The following CASZ1 variants were observed in gnomAD, a reference collection of about 807,000 sequenced individuals.
The protein encoded by CASZ1 is zinc finger protein castor homolog 1.
A neutral mutation model predicts 135.2 loss-of-function variants in CASZ1; 28 were observed. The observed-to-expected ratio is 0.21, with a 90% CI of 0.15 to 0.28. The LOEUF (loss-of-function observed/expected upper bound fraction) is 0.28. Ranked by LOEUF, CASZ1 falls within the 10% of genes least tolerant of loss-of-function variation. The pLI is 1.00. For synonymous variants in CASZ1, 1,068 were observed against 1,073.4 expected (o/e 0.99, Z 0.10); for missense variants, 2,161 against 2,453.3 (o/e 0.88, Z 2.52).
chr1:10,651,076 C>T lies in CASZ1; in HGVS notation c.2681G>A (p.Gly894Glu), dbSNP rs1642563650. 1 of 1,513,948 alleles carries T rather than the reference C, an allele frequency of 6.6e-7. No individual in the cohort carries two copies. The highest frequency in any genetic ancestry group is 2.3e-5 in the East Asian group (1 of 42,640). 93.8% of individuals were successfully genotyped at this position (1,513,948 alleles called of 1,614,324 possible). A position where few individuals can be genotyped will look rare whatever the true frequency, so the allele number is the denominator to read the frequency against. ...GGCTGGGGTGACCTGCTGCCCGCTT[C>T]CTGCAGGGGAGGGGTGGGAAGATGC... ...ALKPSATFDP[G>E]SGQQVTPARF... Residue 894 changes from glycine (G) to glutamate (E), a missense_variant and splice_region_variant, in exon 12 of 21, where the codon GGA (glycine) becomes GAA (glutamate). Gly to Glu is a moderately conservative substitution (Grantham distance 98). Coordinates refer to ENST00000377022, the MANE Select transcript of CASZ1 (RefSeq NM_001079843.3).
chr1:10,682,330 T>C (rs72641461), intron 4 of CASZ1, among the ~76,000 whole-genome samples: 12,140 of 150,412 alleles, frequency 0.081, 697 homozygotes, highest in East Asian at 0.17. Flanking sequence ...CACCGTGAAG[T>C]GGGAGAGGCA....
intron 18 of CASZ1, among the ~76,000 whole-genome samples, chr1:10,643,886 T>G (rs897214208): frequency 1.3e-5 from 2 of 152,186 alleles, no homozygotes; most frequent in Non-Finnish European, 2.9e-5. Context: ...ACACCACAAG[T>G]TGAGTAAATA....
chr1:10,780,001 C>T (rs1242876788), intron 1 of CASZ1, among the ~76,000 whole-genome samples: 2 of 152,170 alleles, frequency 1.3e-5, no homozygotes, highest in Admixed American at 1.3e-4. Context: ...ACACCCCGCC[C>T]ACCCTGAGCT....
In CASZ1 at chr1:10,707,589, GGGGTCCTGTACCCCACCTGCCCA is replaced by G. The variant is rs1639203405; in HGVS notation, c.-76-2068_-76-2046del. Among the ~76,000 whole-genome samples the G allele has an allele frequency of 6.6e-6, 1 of 152,104 alleles. No homozygotes were observed. The highest frequency in any genetic ancestry group is 2.4e-5 in the African/African-American group (1 of 41,408). On this transcript the variant is annotated intron_variant, in intron 2 of 20. Transcript: ENST00000377022. This position sits in a 1 kb window ranked among gnomAD's most constrained non-coding sequence, Gnocchi z 5.0. Reference sequence around the variant, plus strand: ...TACGTACAGGGACCAGGACATGCACGGGGTCCTGTACCCCACCTGCCCAGGGCAGGTGTCCTGGCTGATGGGAG... The same window carrying G: ...TACGTACAGGGACCAGGACATGCACGGGGCAGGTGTCCTGGCTGATGGGAG...
chr1:10,662,228 AACAC>A (rs1000487971), intron 5 of CASZ1, among the ~76,000 whole-genome samples: 3 of 130,144 alleles, frequency 2.3e-5, no homozygotes, highest in Non-Finnish European at 3.3e-5. Flanking sequence ...AATCACATAA[AACAC>A]ACACATACAT....
intron 5 of CASZ1, among the ~76,000 whole-genome samples, chr1:10,662,109 A>G (rs1329440645): frequency 6.6e-6 from 1 of 151,368 alleles, no homozygotes; most frequent in African/African-American, 2.4e-5. Flanking sequence ...CATGCACACA[A>G]TGACATACAA....
intron 20 of CASZ1, among the ~76,000 whole-genome samples, chr1:10,641,643 C>T (rs1342304761): frequency 6.6e-6 from 1 of 152,224 alleles, no homozygotes; most frequent in Non-Finnish European, 1.5e-5. Context: ...CCGAAAGCCT[C>T]CTCTATCTCT....
intron 1 of CASZ1, among the ~76,000 whole-genome samples, chr1:10,764,477 C>T (rs1455204298): frequency 2.6e-5 from 4 of 152,246 alleles, no homozygotes; most frequent in Admixed American, 6.5e-5. Flanking sequence ...AAGTGCCCTA[C>T]GCACATGATC....
At chr1:10,765,082 C>T (rs1369745329) in intron 1 of CASZ1, among the ~76,000 whole-genome samples, 1 of 152,152 alleles carries the variant, frequency 6.6e-6, no homozygotes, top group Non-Finnish European at 1.5e-5. Context: ...TGCTGCCTCC[C>T]CTACATCGGA....
intron 2 of CASZ1, among the ~76,000 whole-genome samples, chr1:10,732,624 G>T (rs953359268): frequency 1.3e-5 from 2 of 152,184 alleles, no homozygotes; most frequent in African/African-American, 4.8e-5. Context: ...CCTCGGGCAG[G>T]ATGGTGACCC....
chr1:10,693,956 C>T (rs1178062439), intron 3 of CASZ1, 44 bp from the exon 4 acceptor site: 6 of 1,582,996 alleles, frequency 3.8e-6, no homozygotes, highest in Non-Finnish European at 5.2e-6. Flanking sequence ...AGAAGAAACA[C>T]GGGGTTAGCG....
intron 1 of CASZ1, among the ~76,000 whole-genome samples, chr1:10,761,778 C>T (rs963038665): frequency 5.9e-5 from 9 of 152,316 alleles, no homozygotes; most frequent in Admixed American, 2.0e-4. Context: ...CCGATCTCGG[C>T]GTACGACCTC....
rs1246037522 is a variant in CASZ1, at chr1:10,646,386, C to T, written c.3498-60G>A. ...ATTCTCAAGCCCTCCCTGCTGGTGTCCTGACTTCACTTGTGTTGGAGTTCA... is the reference window on the plus strand; with the variant it reads ...ATTCTCAAGCCCTCCCTGCTGGTGTTCTGACTTCACTTGTGTTGGAGTTCA... On this transcript the variant is annotated intron_variant, in intron 16 of 20. Transcript: ENST00000377022. The surrounding 1 kb of genome is among the most constrained non-coding windows in gnomAD (Gnocchi z 6.4). 2 of 1,536,668 alleles carry T rather than the reference C, an allele frequency of 1.3e-6. No individual in the cohort carries two copies. Among genetic ancestry groups the T allele is most frequent in the East Asian group, 2.3e-5 (1 of 43,876 alleles).
At chr1:10,718,306 GGCA>G (rs1003081340) in intron 2 of CASZ1, among the ~76,000 whole-genome samples, 2 of 152,230 alleles carry the variant, frequency 1.3e-5, no homozygotes, top group Admixed American at 1.3e-4. Flanking sequence ...GCCCTGACTC[GGCA>G]GCCCAGGCCC....
chr1:10,655,745 C>G lies in CASZ1; in HGVS notation c.1569G>C (p.Gln523His). 6.2e-7 allele frequency: 1 copy of G among 1,614,202 alleles called. No individual in the cohort carries two copies. The highest frequency in any genetic ancestry group is 8.5e-7 in the Non-Finnish European group (1 of 1,179,996). The stretch of plus-strand genomic sequence containing the variant: ...GCGGGCTGAAACGCATGAAGCCGTG[C>G]TGCAGGGAGTTGTCGCGCTTCTTGT... ...NMHKKRDNSL[Q>H]HGFMRFSPLD... is the part of the protein sequence containing the mutation. Residue 523 changes from glutamine (Q) to histidine (H), a missense_variant, in exon 9 of 21, where the codon CAG (glutamine) becomes CAC (histidine). Gln to His is a conservative substitution (Grantham distance 24). Coordinates refer to ENST00000377022, the MANE Select transcript of CASZ1 (RefSeq NM_001079843.3).
intron 4 of CASZ1, among the ~76,000 whole-genome samples, chr1:10,692,244 G>A (rs1012953099): frequency 6.6e-6 from 1 of 152,228 alleles, no homozygotes; most frequent in African/African-American, 2.4e-5. Flanking sequence ...TGGCACCCAG[G>A]TTAGGAGGAG....
At chr1:10,738,877 C>T (rs948348154) in intron 2 of CASZ1, among the ~76,000 whole-genome samples, 10 of 146,034 alleles carry the variant, frequency 6.8e-5, no homozygotes, top group African/African-American at 2.4e-4. Flanking sequence ...CATTAAAATA[C>T]CATTTTTTTT....
At chr1:10,654,676 A>G (rs920740370) in intron 9 of CASZ1, 85 bp from the exon 10 acceptor site, 96 of 1,336,874 alleles carry the variant, frequency 7.2e-5, no homozygotes, top group Non-Finnish European at 9.8e-5. Context: ...GGCTGGGGCC[A>G]CTGACTTCCC....
chr1:10,653,289 C>T, intron 11 of CASZ1, 88 bp downstream of exon 11: 1 of 1,308,414 alleles, frequency 7.6e-7, no homozygotes, highest in Non-Finnish European at 1.1e-6. Context: ...CTTCCAAACA[C>T]CCCCCGACTC....
Sources: gnomAD v4.1 joint callset for allele counts (sites outside exome capture counted in the v4.1 genomes callset) on GRCh38, gnomAD v4.1.1 for gene constraint, Gnocchi (gnomAD v3.1) non-coding constraint, MANE v1.5 for transcripts, NCBI Gene and HGNC (gene_info 2026-07-23, HGNC 2026-07-21) for gene names.